The following ST6GALNAC3 variants were observed in gnomAD, a reference collection of about 807,000 sequenced individuals.
ST6GALNAC3 encodes ST6 N-acetylgalactosaminide alpha-2,6-sialyltransferase 3.
Under a neutral mutation model 32.7 loss-of-function variants are expected in ST6GALNAC3, and 25 were observed. The observed-to-expected ratio is 0.76, with a 90% CI of 0.56 to 1.07. ST6GALNAC3 has a LOEUF of 1.07. Ranked by LOEUF, ST6GALNAC3 falls within the 50% of genes least tolerant of loss-of-function variation. ST6GALNAC3 has a pLI of 0.00. For missense variants in ST6GALNAC3, 355 were observed against 382.4 expected, an observed-to-expected ratio of 0.93 and a Z score of 0.60; for synonymous variants, 129 against 133.1, an observed-to-expected ratio of 0.97 and a Z score of 0.21.
intron 1 of ST6GALNAC3, among the ~76,000 whole-genome samples, chr1:76,254,922 A>G (rs1273737673): frequency 6.6e-6 from 1 of 152,020 alleles, no homozygotes; most frequent in Non-Finnish European, 1.5e-5. Context: ...ATTGGTTAAC[A>G]TCATATTACT....
At chr1:76,076,755 A>G (rs1012348051) in intron 1 of ST6GALNAC3, among the ~76,000 whole-genome samples, 3 of 152,102 alleles carry the variant, frequency 2.0e-5, no homozygotes, top group African/African-American at 4.8e-5. Context: ...TTATTCTTTA[A>G]TCTTTACATA....
At chr1:76,264,825 T>C (rs890285395) in intron 1 of ST6GALNAC3, among the ~76,000 whole-genome samples, 1 of 152,098 alleles carries the variant, frequency 6.6e-6, no homozygotes, top group African/African-American at 2.4e-5. Flanking sequence ...GGAGAAGCCT[T>C]TTTTGACCCT....
At chr1:76,520,355 A>G (rs576287391) in intron 3 of ST6GALNAC3, among the ~76,000 whole-genome samples, 1 of 152,164 alleles carries the variant, frequency 6.6e-6, no homozygotes, top group Non-Finnish European at 1.5e-5. Context: ...TATCAGAGGT[A>G]CTTCTCAGAA....
chr1:76,491,007 C>T (rs769863209), intron 3 of ST6GALNAC3, among the ~76,000 whole-genome samples: 31 of 151,910 alleles, frequency 2.0e-4, no homozygotes, highest in African/African-American at 5.6e-4. Flanking sequence ...TACGGACATG[C>T]GCCACCACGC....
chr1:76,184,508 C>T (rs1653407931), intron 1 of ST6GALNAC3, among the ~76,000 whole-genome samples: 1 of 137,620 alleles, frequency 7.3e-6, no homozygotes, highest in Admixed American at 7.7e-5. Flanking sequence ...CACTGCATTC[C>T]CTCCTGGGCA....
chr1:76,332,992 T>G (rs2100965943), intron 2 of ST6GALNAC3, among the ~76,000 whole-genome samples: 1 of 152,186 alleles, frequency 6.6e-6, no homozygotes, highest in South Asian at 2.1e-4. Context: ...TGTGCAGAGC[T>G]CCTCTTATAT....
At chr1:76,250,652 A>G (rs1201106202) in intron 1 of ST6GALNAC3, among the ~76,000 whole-genome samples, 1 of 152,072 alleles carries the variant, frequency 6.6e-6, no homozygotes, top group African/African-American at 2.4e-5. Flanking sequence ...TTCTTATCTA[A>G]CTGGCTCTCT....
intron 1 of ST6GALNAC3, among the ~76,000 whole-genome samples, chr1:76,138,917 G>A (rs944225177): frequency 6.6e-6 from 1 of 152,130 alleles, no homozygotes; most frequent in South Asian, 2.1e-4. Context: ...TGCACTGGCC[G>A]GGCGCAGTGG....
chr1:76,322,284 AT>A (rs1269855041), intron 2 of ST6GALNAC3, among the ~76,000 whole-genome samples: 4 of 152,200 alleles, frequency 2.6e-5, no homozygotes, highest in Non-Finnish European at 4.4e-5. Context: ...CTTTCATCAA[AT>A]GGCAATTGGT....
intron 3 of ST6GALNAC3, among the ~76,000 whole-genome samples, chr1:76,450,437 G>C (rs1657310786): frequency 6.6e-6 from 1 of 151,928 alleles, no homozygotes; most frequent in Non-Finnish European, 1.5e-5. Flanking sequence ...TTTTCTTGCT[G>C]ACTTGAGTTC....
intron 3 of ST6GALNAC3, among the ~76,000 whole-genome samples, chr1:76,470,121 C>T (rs1269038091): frequency 6.6e-6 from 1 of 152,038 alleles, no homozygotes; most frequent in Non-Finnish European, 1.5e-5. Flanking sequence ...AGGGCCAACA[C>T]TGATGACCTG....
intron 2 of ST6GALNAC3, among the ~76,000 whole-genome samples, chr1:76,334,067 C>CA (rs1423704294): frequency 4.6e-5 from 7 of 152,186 alleles, no homozygotes; most frequent in African/African-American, 1.7e-4. Context: ...CTCTTGCCTT[C>CA]AAAGATGATT....
intron 1 of ST6GALNAC3, among the ~76,000 whole-genome samples, chr1:76,122,652 C>T (rs2100839930): frequency 6.6e-6 from 1 of 152,290 alleles, no homozygotes; most frequent in Non-Finnish European, 1.5e-5. Flanking sequence ...CCCAGAATTG[C>T]TCCCTGACCA....
intron 3 of ST6GALNAC3, among the ~76,000 whole-genome samples, chr1:76,606,908 C>T (rs1647591569): frequency 6.7e-6 from 1 of 148,150 alleles, no homozygotes; most frequent in Non-Finnish European, 1.5e-5. Flanking sequence ...AGCTGGGTCT[C>T]CTACAACCCA....
At chr1:76,271,202 G>A (rs1557741919) in intron 1 of ST6GALNAC3, among the ~76,000 whole-genome samples, 1 of 152,114 alleles carries the variant, frequency 6.6e-6, no homozygotes, top group Non-Finnish European at 1.5e-5. Context: ...CCTGATTCTT[G>A]TTGATTTGGC....
rs1649155595 is a variant in ST6GALNAC3 at position 76,628,989 on chromosome 1, G to A, written c.*183G>A. 1 of 1,404,508 alleles carries A rather than the reference G, an allele frequency of 7.1e-7. No individual in the cohort carries two copies. Among genetic ancestry groups the A allele is most frequent in the Admixed American group, 3.3e-5 (1 of 30,504 alleles). 87.0% of individuals were successfully genotyped at this position (1,404,508 alleles called of 1,614,324 possible). On this transcript the variant is annotated 3_prime_UTR_variant, in exon 5 of 5. Transcript: ENST00000328299. ...AATTTAAACTTGGCATTTCATGGAG[G>A]ATGGTTGTGCTCATGATGTTCTTTC...
intron 2 of ST6GALNAC3, among the ~76,000 whole-genome samples, chr1:76,335,114 G>A (rs1049129971): frequency 6.6e-6 from 1 of 152,130 alleles, no homozygotes; most frequent in African/African-American, 2.4e-5. Context: ...CAGTTGCGGT[G>A]GTAAGTTAAA....
At chr1:76,278,251 C>G (rs1401596529) in intron 1 of ST6GALNAC3, among the ~76,000 whole-genome samples, 1 of 101,606 alleles carries the variant, frequency 9.8e-6, no homozygotes, top group South Asian at 2.7e-4. Context: ...GATGGAGTCT[C>G]GCTCTGTCAT....
At chr1:76,345,165 T>C (rs1168706154) in intron 2 of ST6GALNAC3, among the ~76,000 whole-genome samples, 1 of 152,164 alleles carries the variant, frequency 6.6e-6, no homozygotes, top group Non-Finnish European at 1.5e-5. Flanking sequence ...ACCCTGCTTG[T>C]GGGATCAGGC....
Sources: gnomAD v4.1 joint callset for allele counts (sites outside exome capture counted in the v4.1 genomes callset) on GRCh38, gnomAD v4.1.1 for gene constraint, MANE v1.5 for transcripts, NCBI Gene and HGNC (gene_info 2026-07-23, HGNC 2026-07-21) for gene names.